The following KCNU1 variants were observed in gnomAD, a reference collection of about 807,000 sequenced individuals.
KCNU1 encodes potassium calcium-activated channel subfamily U member 1, also known as potassium channel subfamily U member 1.
In KCNU1, 93 loss-of-function variants were observed where a neutral mutation model predicts 126.8. That is an observed-to-expected ratio of 0.73 (90% CI 0.62 to 0.87). KCNU1 has a LOEUF of 0.87. Among genes scored for constraint, KCNU1 ranks in the 40% least tolerant of loss-of-function variants. KCNU1 has a pLI of 0.00. For synonymous variants in KCNU1, 523 were observed against 494.2 expected, an observed-to-expected ratio of 1.06 and a Z score of -0.77; for missense variants, 1,330 against 1,367.1, an observed-to-expected ratio of 0.97 and a Z score of 0.43.
chr8:36,807,379 A>G lies in KCNU1; in HGVS notation c.585A>G (p.Leu195=). 1.9e-6 allele frequency: 3 copies of G among 1,612,922 alleles called. No homozygotes were observed. The highest frequency in any genetic ancestry group is 1.7e-6 in the Non-Finnish European group (2 of 1,179,030). Residue 195 remains leucine (L), a synonymous_variant, in exon 6 of 27, where the codon TTA becomes TTG. Coordinates refer to ENST00000399881, the MANE Select transcript of KCNU1 (RefSeq NM_001031836.3). ...CTCCTTTCCATTGGTTTGTAGGTTT[A>G]AGGTTCCTAAGAGCCTTGCGCCTGC... ...SYYLKSNWLG[L]RFLRALRLLE...
intron 10 of KCNU1, among the ~76,000 whole-genome samples, chr8:36,831,763 A>G (rs1287001332): frequency 6.7e-6 from 1 of 149,120 alleles, no homozygotes; most frequent in South Asian, 2.2e-4. Context: ...CTTTAGTTTA[A>G]TTAGATCCCA....
intron 20 of KCNU1, among the ~76,000 whole-genome samples, chr8:36,907,076 G>C (rs1252904290): frequency 6.6e-6 from 1 of 152,142 alleles, no homozygotes; most frequent in African/African-American, 2.4e-5. Flanking sequence ...ATGGAATATA[G>C]TTCAGAATAC....
intron 7 of KCNU1, among the ~76,000 whole-genome samples, chr8:36,813,927 A>G (rs1409548614): frequency 6.6e-6 from 1 of 152,150 alleles, no homozygotes. Flanking sequence ...GAGAGCCCAG[A>G]GGCATCTGTC....
chr8:36,840,783 G>A (rs1015249316), intron 15 of KCNU1, 149 bp from the exon 16 acceptor site: 14 of 693,432 alleles, frequency 2.0e-5, no homozygotes, highest in Admixed American at 9.5e-5. Flanking sequence ...GGTTACTTTA[G>A]GTGGATTCAC....
intron 18 of KCNU1, among the ~76,000 whole-genome samples, chr8:36,850,632 T>A (rs914694672): frequency 6.6e-6 from 1 of 152,124 alleles, no homozygotes; most frequent in Non-Finnish European, 1.5e-5. Context: ...AATTCCTGCA[T>A]TTTTTGTAAA....
At chr8:36,794,685 G>A (rs1169704817) in intron 2 of KCNU1, among the ~76,000 whole-genome samples, 1 of 152,106 alleles carries the variant, frequency 6.6e-6, no homozygotes, top group Non-Finnish European at 1.5e-5. Context: ...GACTTTGGGA[G>A]CCTGAGGCAG....
At chr8:36,792,666 G>C (rs1229017311) in intron 2 of KCNU1, among the ~76,000 whole-genome samples, 1 of 152,102 alleles carries the variant, frequency 6.6e-6, no homozygotes, top group Non-Finnish European at 1.5e-5. Context: ...ATATCTCATA[G>C]AAATACAATG....
At chr8:36,889,840 A>AAAAAAG (rs1306056277) in intron 19 of KCNU1, among the ~76,000 whole-genome samples, 1 of 152,070 alleles carries the variant, frequency 6.6e-6, no homozygotes, top group African/African-American at 2.4e-5. Flanking sequence ...CTGCTAAGAA[A>AAAAAAG]AAAAAGAGAA....
chr8:36,807,446 A>G lies in KCNU1; in HGVS notation c.652A>G (p.Thr218Ala). ...QILQILRAIKTSNSVKFSKLL... is the reference protein window; with the variant it reads ...QILQILRAIKASNSVKFSKLL... ...CTTGCAAATTCTACGAGCCATCAAG[A>G]CCAGGTAAATAGCCCTGACCGAAGT... The change falls in exon 6 of 27, where the codon ACC becomes GCC. Residue 218 changes from threonine to alanine, a missense_variant. By Grantham distance (58) the Thr-to-Ala change is moderately conservative (BLOSUM62 0). This residue lies in a region of KCNU1 where 247 missense variants were observed against 255.4 expected (regional missense o/e 0.97). Transcript: ENST00000399881. 4 of 1,611,266 alleles carry G rather than the reference A, an allele frequency of 2.5e-6. No homozygotes were observed. Among genetic ancestry groups the G allele is most frequent in the Non-Finnish European group, 3.4e-6 (4 of 1,177,508 alleles).
intron 26 of KCNU1, among the ~76,000 whole-genome samples, chr8:36,934,344 G>T (rs1808791255): frequency 2.6e-5 from 4 of 152,120 alleles, no homozygotes; most frequent in Admixed American, 2.6e-4. Context: ...GGCAAAATAA[G>T]CATCGAGGTC....
intron 24 of KCNU1, among the ~76,000 whole-genome samples, chr8:36,924,390 A>C (rs1247336716): frequency 6.6e-6 from 1 of 152,186 alleles, no homozygotes; most frequent in Admixed American, 6.5e-5. Context: ...AGTTTAAGGG[A>C]GCACGGCTGG....
In KCNU1 at chr8:36,839,222, CCT is replaced by C. The variant is rs577804622; in HGVS notation, c.1519-1240_1519-1239del. 6.8e-4 allele frequency among the ~76,000 whole-genome samples: 104 copies of C among 152,198 alleles called. 1 individual carries two copies. The highest frequency in any genetic ancestry group is 2.5e-3 in the African/African-American group (103 of 41,526). On this transcript the variant is annotated intron_variant, in intron 14 of 26. Coordinates refer to ENST00000399881, the MANE Select transcript of KCNU1 (RefSeq NM_001031836.3). ...AGTTGGTCCTGGGTTCAGAGCATGG[CCT>C]TAAACTTAAATTTACATTAGATCTG...
intron 18 of KCNU1, among the ~76,000 whole-genome samples, chr8:36,854,569 A>T (rs1805466146): frequency 2.0e-5 from 3 of 151,652 alleles, no homozygotes; most frequent in African/African-American, 7.3e-5. Context: ...TTTCTACTTA[A>T]AAAAATTTGT....
chr8:36,840,408 T>C (rs1804904123), intron 14 of KCNU1, 55 bp from the exon 15 acceptor site: 1 of 832,092 alleles, frequency 1.2e-6, no homozygotes. Context: ...ATGTGAATTC[T>C]AACATTCTAC....
chr8:36,846,438 C>G (rs191981302), intron 18 of KCNU1, among the ~76,000 whole-genome samples: 2 of 152,158 alleles, frequency 1.3e-5, no homozygotes, highest in Admixed American at 6.5e-5. Context: ...TACCAACACC[C>G]CTTTCCACTT....
At position 36,909,435 on chromosome 8, in the gene KCNU1, C is replaced by T. The variant is rs760623493; in HGVS notation, c.2231C>T (p.Thr744Ile). 6.2e-6 allele frequency: 10 copies of T among 1,612,982 alleles called. No individual in the cohort carries two copies. The East Asian group carries it at 2.2e-4, about 36-fold the overall frequency. Reference sequence around the variant, plus strand: ...ATGCCCTTGAGAGCCAGCAACTATACCAGGAAGGAGCTGAAGGACATAGTG... The same window carrying T: ...ATGCCCTTGAGAGCCAGCAACTATATCAGGAAGGAGCTGAAGGACATAGTG... The part of the protein sequence containing the change: ...FVMPLRASNY[T>I]RKELKDIVFI... The change falls in exon 21 of 27, where the codon ACC becomes ATC. Residue 744 changes from threonine to isoleucine, a missense_variant. By Grantham distance (89) the Thr-to-Ile change is moderately conservative. Transcript: ENST00000399881.
At chr8:36,864,599 A>C in intron 19 of KCNU1, 78 bp downstream of exon 19, 1 of 855,014 alleles carries the variant, frequency 1.2e-6, no homozygotes. Flanking sequence ...TTTAAACCAG[A>C]ATATTTGCTT....
intron 14 of KCNU1, among the ~76,000 whole-genome samples, chr8:36,838,679 A>G (rs1279892504): frequency 6.6e-6 from 1 of 152,184 alleles, no homozygotes; most frequent in Non-Finnish European, 1.5e-5. Flanking sequence ...CCTCAGCGAC[A>G]GAGTGAGACT....
intron 22 of KCNU1, among the ~76,000 whole-genome samples, chr8:36,914,128 A>G (rs960491404): frequency 6.6e-6 from 1 of 152,240 alleles, no homozygotes; most frequent in Non-Finnish European, 1.5e-5. Context: ...AACCAGGAAT[A>G]CACACCCCCA....
Sources: allele counts gnomAD v4.1 joint callset (sites outside exome capture counted in the v4.1 genomes callset), GRCh38; gene constraint gnomAD v4.1.1; regional missense constraint gnomAD v4.1.1; transcripts MANE v1.5; gene names NCBI Gene and HGNC (gene_info 2026-07-23, HGNC 2026-07-21).